Variants in GTF2F2 observed in about 807,000 individuals in gnomAD.
GTF2F2 encodes ATP-dependent helicase GTF2F2.
A neutral mutation model predicts 42.2 loss-of-function variants in GTF2F2; 23 were observed. That is an observed-to-expected ratio of 0.55 (90% CI 0.39 to 0.77). GTF2F2 has a LOEUF of 0.77. Among genes scored for constraint, GTF2F2 ranks in the 30% least tolerant of loss-of-function variants. The pLI is 0.00. For synonymous variants in GTF2F2, 105 were observed against 100.8 expected (o/e 1.04, Z -0.25); for missense variants, 261 against 287.2 (o/e 0.91, Z 0.66).
In GTF2F2 at chr13:45,177,772, G is replaced by A. The variant is rs1871955929; in HGVS notation, c.304+25941G>A. On this transcript the variant is annotated intron_variant, in intron 4 of 7. Transcript: ENST00000340473. ...TATGTTGAGGTTGCTAAGATCTACG[G>A]TAAAAATGAATCTTTCATTCGTAAA... Among the ~76,000 whole-genome samples, 3 of 152,214 alleles carry A rather than the reference G, an allele frequency of 2.0e-5. No individual in the cohort carries two copies. In the South Asian group the frequency reaches 6.2e-4, roughly 32 times the overall value.
Position 45,243,157 on chromosome 13 carries a change from C to T in GTF2F2, c.387-9714C>T, listed in dbSNP as rs80295309. ...CCAAAATTCTCAGATGCTCAAGTCC[C>T]TTATATAAAATGGTGTTGTATTTGC... On this transcript the variant is annotated intron_variant, in intron 5 of 7. Coordinates refer to ENST00000340473, the MANE Select transcript of GTF2F2 (RefSeq NM_004128.3). Among the ~76,000 whole-genome samples, 33 of 152,244 alleles carry T rather than the reference C, an allele frequency of 2.2e-4. No individual in the cohort carries two copies. The East Asian group carries it at 6.4e-3, about 29-fold the overall frequency.
chr13:45,183,612 G>A (rs1023338000), intron 4 of GTF2F2, among the ~76,000 whole-genome samples: 1 of 152,150 alleles, frequency 6.6e-6, no homozygotes, highest in Non-Finnish European at 1.5e-5. Flanking sequence ...TAATTTGGGT[G>A]TAGTTGCTAC....
chr13:45,132,361 C>G (rs1869404095), intron 1 of GTF2F2, among the ~76,000 whole-genome samples: 1 of 151,414 alleles, frequency 6.6e-6, no homozygotes, highest in Non-Finnish European at 1.5e-5. Context: ...TGGTAGAATT[C>G]AGTTCCTCCA....
At chr13:45,280,411 T>G (rs1285521515) in intron 7 of GTF2F2, among the ~76,000 whole-genome samples, 1 of 152,224 alleles carries the variant, frequency 6.6e-6, no homozygotes, top group African/African-American at 2.4e-5. Flanking sequence ...TCACTACTAC[T>G]TTCTCTGCTA....
At chr13:45,160,586 T>C (rs1870987572) in intron 4 of GTF2F2, among the ~76,000 whole-genome samples, 1 of 152,214 alleles carries the variant, frequency 6.6e-6, no homozygotes, top group Admixed American at 6.5e-5. Context: ...TTTTGAATGT[T>C]GACACGTTTC....
chr13:45,277,073 A>T (rs895824093), intron 7 of GTF2F2, among the ~76,000 whole-genome samples: 2 of 152,140 alleles, frequency 1.3e-5, no homozygotes, highest in Non-Finnish European at 2.9e-5. Context: ...CTAGTGGGGA[A>T]GAGGAAGTGA....
intron 7 of GTF2F2, among the ~76,000 whole-genome samples, chr13:45,280,169 C>T (rs777924127): frequency 2.2e-4 from 33 of 152,068 alleles, no homozygotes; most frequent in Non-Finnish European, 2.1e-4. Flanking sequence ...CCCAGAAGCA[C>T]GCAGATGCAG....
intron 1 of GTF2F2, among the ~76,000 whole-genome samples, chr13:45,125,230 T>C (rs959036782): frequency 1.3e-5 from 2 of 152,252 alleles, no homozygotes; most frequent in Admixed American, 6.5e-5. Flanking sequence ...TGCCTAAGCA[T>C]GGAAATAGTG....
chr13:45,214,816 GAACATA>G (rs1873824794), intron 5 of GTF2F2, among the ~76,000 whole-genome samples: 1 of 150,340 alleles, frequency 6.7e-6, no homozygotes, highest in African/African-American at 2.5e-5. Flanking sequence ...AAGTATAAAG[GAACATA>G]AATATAAGGC....
At chr13:45,154,921 A>G (rs1241475801) in intron 4 of GTF2F2, among the ~76,000 whole-genome samples, 3 of 152,180 alleles carry the variant, frequency 2.0e-5, no homozygotes, top group African/African-American at 7.2e-5. Context: ...ACCAAGAAAA[A>G]AGCTCTAGAA....
At chr13:45,210,041 T>C (rs1873569331) in intron 5 of GTF2F2, among the ~76,000 whole-genome samples, 1 of 152,218 alleles carries the variant, frequency 6.6e-6, no homozygotes, top group Non-Finnish European at 1.5e-5. Context: ...GAGTTCCTGC[T>C]TCCACCCTTG....
At chr13:45,163,036 T>C (rs1030615630) in intron 4 of GTF2F2, among the ~76,000 whole-genome samples, 1 of 151,552 alleles carries the variant, frequency 6.6e-6, no homozygotes, top group African/African-American at 2.4e-5. Flanking sequence ...AAAATCTTTA[T>C]AGTTTAACTG....
intron 6 of GTF2F2, among the ~76,000 whole-genome samples, chr13:45,260,918 G>A (rs973729135): frequency 3.3e-5 from 5 of 152,086 alleles, no homozygotes; most frequent in African/African-American, 1.2e-4. Context: ...GTAGTTCCTG[G>A]AGTTCGAGAC....
At chr13:45,141,561 G>A (rs939278994) in intron 2 of GTF2F2, among the ~76,000 whole-genome samples, 2 of 152,068 alleles carry the variant, frequency 1.3e-5, no homozygotes, top group Non-Finnish European at 2.9e-5. Context: ...GGGTGAAGAC[G>A]GTGGGTAGTT....
intron 5 of GTF2F2, among the ~76,000 whole-genome samples, chr13:45,213,774 T>C (rs1441667606): frequency 3.9e-5 from 6 of 152,166 alleles, no homozygotes; most frequent in Admixed American, 6.5e-5. Flanking sequence ...TCAGCTTCTT[T>C]ATTAATAATT....
chr13:45,187,104 C>T (rs1051106991), intron 4 of GTF2F2, among the ~76,000 whole-genome samples: 3 of 152,012 alleles, frequency 2.0e-5, no homozygotes, highest in East Asian at 1.9e-4. Context: ...CAAAGGGATA[C>T]GTTGGCAAGG....
intron 7 of GTF2F2, among the ~76,000 whole-genome samples, chr13:45,283,077 A>G (rs1364918535): frequency 1.3e-5 from 2 of 152,142 alleles, no homozygotes; most frequent in Non-Finnish European, 2.9e-5. Flanking sequence ...CCATGAGGCC[A>G]CTGAACTCAA....
At chr13:45,170,365 G>A (rs1871532860) in intron 4 of GTF2F2, among the ~76,000 whole-genome samples, 1 of 152,156 alleles carries the variant, frequency 6.6e-6, no homozygotes, top group Non-Finnish European at 1.5e-5. Flanking sequence ...CATTACATGG[G>A]CTCCAATTAA....
chr13:45,246,854 G>A (rs903866319), intron 5 of GTF2F2, among the ~76,000 whole-genome samples: 12 of 149,044 alleles, frequency 8.1e-5, no homozygotes, highest in African/African-American at 1.5e-4. Context: ...TGGCTAACAC[G>A]GTGAAACCCC....
Sources: gnomAD v4.1 joint callset for allele counts (sites outside exome capture counted in the v4.1 genomes callset) on GRCh38, gnomAD v4.1.1 for gene constraint, MANE v1.5 for transcripts, NCBI Gene and HGNC (gene_info 2026-07-23, HGNC 2026-07-21) for gene names.